C2CD5: variants seen among roughly 807,000 people sequenced by gnomAD.
C2CD5 encodes C2 domain-containing protein 5.
A neutral mutation model predicts 130.3 loss-of-function variants in C2CD5; 109 were observed. That is an observed-to-expected ratio of 0.84 (90% CI 0.72 to 0.98). The LOEUF (loss-of-function observed/expected upper bound fraction) is 0.98. Ranked by LOEUF, C2CD5 falls within the 50% of genes least tolerant of loss-of-function variation. C2CD5 has a pLI of 0.00. For missense variants in C2CD5, 996 were observed against 1,261.8 expected (o/e 0.79, Z 3.19); for synonymous variants, 454 against 429.2 (o/e 1.06, Z -0.71).
chr12:22,521,146 T>C (rs1283207916), intron 7 of C2CD5, among the ~76,000 whole-genome samples: 3 of 152,128 alleles, frequency 2.0e-5, no homozygotes, highest in South Asian at 4.1e-4. Flanking sequence ...AATACCAGAA[T>C]AGTTATAATC....
chr12:22,469,016 T>A (rs1180258461), intron 22 of C2CD5, among the ~76,000 whole-genome samples: 1 of 152,212 alleles, frequency 6.6e-6, no homozygotes, highest in African/African-American at 2.4e-5. Context: ...TACATAATGC[T>A]ACAAAATAAG....
At chr12:22,480,559 T>C (rs1944562475) in intron 14 of C2CD5, among the ~76,000 whole-genome samples, 3 of 152,214 alleles carry the variant, frequency 2.0e-5, no homozygotes, top group Admixed American at 2.0e-4. Context: ...ATTACATCAG[T>C]GTCATAAACT....
intron 25 of C2CD5, among the ~76,000 whole-genome samples, chr12:22,454,551 T>G (rs554647818): frequency 6.7e-6 from 1 of 149,104 alleles, no homozygotes; most frequent in African/African-American, 2.5e-5. Context: ...TGGCACATGT[T>G]GCTCCTGCAG....
intron 10 of C2CD5, among the ~76,000 whole-genome samples, chr12:22,499,441 T>C (rs1219113481): frequency 6.6e-6 from 1 of 152,212 alleles, no homozygotes; most frequent in East Asian, 1.9e-4. Flanking sequence ...CAAAACAGGA[T>C]TAGAGTCGAC....
chr12:22,455,054 A>G (rs1252594718), intron 25 of C2CD5, among the ~76,000 whole-genome samples: 1 of 152,160 alleles, frequency 6.6e-6, no homozygotes, highest in Middle Eastern at 3.2e-3. Flanking sequence ...CCAACTTTAA[A>G]CTGGAAGTGA....
intron 7 of C2CD5, among the ~76,000 whole-genome samples, chr12:22,518,868 CA>C (rs1330244560): frequency 2.6e-5 from 4 of 152,154 alleles, no homozygotes; most frequent in African/African-American, 9.7e-5. Context: ...TACACACATA[CA>C]AAATAGCATT....
chr12:22,538,033 G>A (rs1359141953), intron 2 of C2CD5, among the ~76,000 whole-genome samples: 1 of 152,116 alleles, frequency 6.6e-6, no homozygotes, highest in Non-Finnish European at 1.5e-5. Flanking sequence ...ATGCAACCAG[G>A]ACCAATACTT....
At chr12:22,534,243 C>A (rs1951608577) in intron 3 of C2CD5, among the ~76,000 whole-genome samples, 1 of 152,036 alleles carries the variant, frequency 6.6e-6, no homozygotes, top group Non-Finnish European at 1.5e-5. Flanking sequence ...AAAATTAACT[C>A]CAAATGAATC....
At chr12:22,522,285 G>A (rs1950341271) in intron 7 of C2CD5, among the ~76,000 whole-genome samples, 1 of 152,130 alleles carries the variant, frequency 6.6e-6, no homozygotes, top group Non-Finnish European at 1.5e-5. Context: ...CATTGTATAG[G>A]GTTGTCCCTT....
In C2CD5 at chr12:22,469,174, G is replaced by GA. The variant is rs1288604059; in HGVS notation, c.2533+534dup. ...ATTAAGGAGCTATCAATTTGCACTG[G>GA]AAAAAAAACATGGCAGTGTCTTATA... On this transcript the variant is annotated intron_variant, in intron 22 of 26. Coordinates refer to ENST00000446597, the MANE Select transcript of C2CD5 (RefSeq NM_001286176.2). Among the ~76,000 whole-genome samples, 4 of 151,466 alleles carry GA rather than the reference G, an allele frequency of 2.6e-5. No homozygotes were observed. In the East Asian group the frequency reaches 5.8e-4, roughly 22 times the overall value.
chr12:22,471,843 GT>G, intron 19 of C2CD5, 123 bp downstream of exon 19: 1 of 637,326 alleles, frequency 1.6e-6, no homozygotes, highest in Non-Finnish European at 2.8e-6. Context: ...TAGAGGTAAG[GT>G]AAGTAGGTAA....
chr12:22,503,030 A>G (rs976937966), intron 10 of C2CD5, among the ~76,000 whole-genome samples: 2 of 152,170 alleles, frequency 1.3e-5, no homozygotes, highest in African/African-American at 4.8e-5. Context: ...GATTTTTAAA[A>G]CCACCCCATT....
In C2CD5 at chr12:22,482,667, A is replaced by G. The variant is rs764099766; in HGVS notation, c.1627T>C (p.Tyr543His). 1 of 1,613,280 alleles carries G rather than the reference A, an allele frequency of 6.2e-7. No individual in the cohort carries two copies. The highest frequency in any genetic ancestry group is 8.5e-7 in the Non-Finnish European group (1 of 1,179,298). Residue 543 changes from tyrosine (Y) to histidine (H), a missense_variant, in exon 14 of 27, where the codon TAT (tyrosine) becomes CAT (histidine). Tyr to His is a moderately conservative substitution (Grantham distance 83). Coordinates refer to ENST00000446597, the MANE Select transcript of C2CD5 (RefSeq NM_001286176.2). ...TTCATTAGCTGAGTATGCACTTCATATTCCATAAATGGCAAGAGATTACTG... is the reference window on the plus strand; with the variant it reads ...TTCATTAGCTGAGTATGCACTTCATGTTCCATAAATGGCAAGAGATTACTG... ...AISNLLPFME[Y>H]EVHTQLMNKL...
intron 25 of C2CD5, among the ~76,000 whole-genome samples, chr12:22,454,681 A>G (rs1325141910): frequency 3.3e-5 from 5 of 151,494 alleles, no homozygotes; most frequent in Non-Finnish European, 7.4e-5. Context: ...AGTCCATTAT[A>G]TACTCTGATA....
At chr12:22,462,731 T>C (rs1941390069) in intron 22 of C2CD5, among the ~76,000 whole-genome samples, 2 of 152,152 alleles carry the variant, frequency 1.3e-5, no homozygotes, top group South Asian at 4.1e-4. Flanking sequence ...CAGCGATTAT[T>C]TGAATGTAGG....
intron 25 of C2CD5, among the ~76,000 whole-genome samples, chr12:22,454,759 G>A (rs995260158): frequency 5.9e-5 from 9 of 152,082 alleles, no homozygotes; most frequent in Admixed American, 3.3e-4. Context: ...ATGATTATTT[G>A]TTAATGTCCA....
chr12:22,529,874 T>G (rs955664191), intron 3 of C2CD5, among the ~76,000 whole-genome samples: 1 of 151,642 alleles, frequency 6.6e-6, no homozygotes, highest in African/African-American at 2.4e-5. Context: ...CCTGGAACAC[T>G]CATGTGCTCA....
At chr12:22,501,133 C>T (rs982823850) in intron 10 of C2CD5, among the ~76,000 whole-genome samples, 1 of 152,102 alleles carries the variant, frequency 6.6e-6, no homozygotes. Context: ...CTAAGTCTTA[C>T]CAGAAAGATT....
intron 9 of C2CD5, among the ~76,000 whole-genome samples, chr12:22,508,603 C>T (rs946304656): frequency 1.8e-4 from 27 of 152,010 alleles, no homozygotes; most frequent in Non-Finnish European, 3.7e-4. Flanking sequence ...ACAGCACACA[C>T]GGGGTAATTA....
Sources: allele counts gnomAD v4.1 joint callset (sites outside exome capture counted in the v4.1 genomes callset), GRCh38; gene constraint gnomAD v4.1.1; transcripts MANE v1.5; gene names NCBI Gene and HGNC (gene_info 2026-07-23, HGNC 2026-07-21).